The following HECW1 variants were observed in gnomAD, a reference collection of about 807,000 sequenced individuals.
HECW1 encodes the protein HECT, C2 and WW domain containing E3 ubiquitin protein ligase 1.
A neutral mutation model predicts 182.3 loss-of-function variants in HECW1; 61 were observed. The observed-to-expected ratio is 0.33, with a 90% CI of 0.27 to 0.41. The LOEUF (loss-of-function observed/expected upper bound fraction) is 0.41. HECW1 is among the 10% of genes least tolerant of loss of function. The pLI, the probability that HECW1 is intolerant of heterozygous loss-of-function variation, is 1.00. For synonymous variants in HECW1, 859 were observed against 832.6 expected, an observed-to-expected ratio of 1.03 and a Z score of -0.55; for missense variants, 1,739 against 2,108.9, an observed-to-expected ratio of 0.82 and a Z score of 3.44.
At chr7:43,260,545 A>G (rs1388452199) in intron 3 of HECW1, among the ~76,000 whole-genome samples, 1 of 152,242 alleles carries the variant, frequency 6.6e-6, no homozygotes, top group Non-Finnish European at 1.5e-5. Context: ...ATGAAGCAGC[A>G]AATTTGTGTT....
intron 17 of HECW1, among the ~76,000 whole-genome samples, chr7:43,481,630 A>C (rs12702046): frequency 0.018 from 2,745 of 152,332 alleles, 47 homozygotes; most frequent in Middle Eastern, 0.099. Flanking sequence ...ATTTAATATC[A>C]TTTAAATCAT....
rs57627873 is a variant in HECW1 at position 43,429,289 on chromosome 7, CATATATAT to C, written c.802-8674_802-8667del. On this transcript the variant is annotated intron_variant, in intron 8 of 29. Coordinates refer to ENST00000395891, the MANE Select transcript of HECW1 (RefSeq NM_015052.5). ...ATATAAACTTTCCATATATTATATG[CATATATAT>C]ATATATATATATATATATATATATA... 8.5e-3 allele frequency among the ~76,000 whole-genome samples: 906 copies of C among 106,580 alleles called. 5 individuals are homozygous for C. The highest frequency in any genetic ancestry group is 0.02 in the Middle Eastern group (4 of 204). The allele number at this position is 106,580 out of a possible 152,430, so 69.9% of individuals were successfully genotyped here.
chr7:43,249,187 G>A (rs1799773628), intron 3 of HECW1: 1 of 152,344 alleles, frequency 6.6e-6, no homozygotes, highest in Non-Finnish European at 1.5e-5. Flanking sequence ...CGGTACCTGG[G>A]TGTGACTCCG....
chr7:43,244,436 C>G (rs937603753), intron 3 of HECW1, among the ~76,000 whole-genome samples: 2 of 152,192 alleles, frequency 1.3e-5, no homozygotes, highest in Non-Finnish European at 2.9e-5. Context: ...ACCAGCTCCC[C>G]AAGACTTCCT....
chr7:43,488,417 AG>A (rs1585061903), intron 17 of HECW1, among the ~76,000 whole-genome samples: 2 of 127,804 alleles, frequency 1.6e-5, no homozygotes, highest in East Asian at 4.2e-4. Context: ...AGAAAGAGAG[AG>A]AGAGAAAGAA....
intron 28 of HECW1, among the ~76,000 whole-genome samples, chr7:43,554,345 T>C (rs2152960932): frequency 6.6e-6 from 1 of 152,354 alleles, no homozygotes; most frequent in East Asian, 1.9e-4. Flanking sequence ...AGCAGACATC[T>C]CTGAGAACAT....
intron 3 of HECW1, among the ~76,000 whole-genome samples, chr7:43,283,725 G>A (rs1804230711): frequency 1.3e-5 from 2 of 152,086 alleles, no homozygotes; most frequent in African/African-American, 4.8e-5. Context: ...ATTGCAAAAC[G>A]TCCCTCAAAG....
At chr7:43,553,796 T>A (rs567867395) in intron 28 of HECW1, among the ~76,000 whole-genome samples, 2 of 151,834 alleles carry the variant, frequency 1.3e-5, no homozygotes, top group Non-Finnish European at 2.9e-5. Flanking sequence ...GCATATTTCC[T>A]CCTCTTTCTT....
intron 3 of HECW1, among the ~76,000 whole-genome samples, chr7:43,307,731 G>A (rs908822581): frequency 6.6e-6 from 1 of 151,686 alleles, no homozygotes; most frequent in Admixed American, 6.6e-5. Flanking sequence ...TGAGCAATCA[G>A]CTCTATCCAC....
chr7:43,336,132 CTCTCTCTCTCTT>C (rs1562853632), intron 5 of HECW1, among the ~76,000 whole-genome samples: 2,011 of 95,276 alleles, frequency 0.021, 89 homozygotes, highest in East Asian at 0.14. Flanking sequence ...CTTTCTCTCT[CTCTCTCTCTCTT>C]TCTCTCTCTC....
At chr7:43,435,794 C>T (rs868335232) in intron 8 of HECW1, among the ~76,000 whole-genome samples, 1 of 152,188 alleles carries the variant, frequency 6.6e-6, no homozygotes, top group African/African-American at 2.4e-5. Flanking sequence ...CTAGCTCATC[C>T]TGACTGCCAC....
At chr7:43,257,417 C>T (rs886813185) in intron 3 of HECW1, among the ~76,000 whole-genome samples, 2 of 152,118 alleles carry the variant, frequency 1.3e-5, no homozygotes, top group African/African-American at 4.8e-5. Context: ...CTAACGTAGG[C>T]AGTAAAACAG....
At chr7:43,204,327 G>C (rs1795272083) in intron 2 of HECW1, among the ~76,000 whole-genome samples, 2 of 152,206 alleles carry the variant, frequency 1.3e-5, no homozygotes, top group South Asian at 2.1e-4. Flanking sequence ...TCCATGATTA[G>C]TTGGCAGTAG....
At chr7:43,481,793 G>A in intron 17 of HECW1, among the ~76,000 whole-genome samples, 1 of 151,900 alleles carries the variant, frequency 6.6e-6, no homozygotes, top group Non-Finnish European at 1.5e-5. Flanking sequence ...GACCATCCTG[G>A]CTAACATGGT....
At chr7:43,251,646 T>C (rs113512274) in intron 3 of HECW1, among the ~76,000 whole-genome samples, 1,645 of 152,294 alleles carry the variant, frequency 0.011, 27 homozygotes, top group South Asian at 0.035. Context: ...ACTTATTATA[T>C]TCACAGGTCT....
chr7:43,377,320 C>G (rs1166707345), intron 6 of HECW1, among the ~76,000 whole-genome samples: 1 of 152,202 alleles, frequency 6.6e-6, no homozygotes, highest in Admixed American at 6.5e-5. Flanking sequence ...TAACTATGAT[C>G]AACTCATTTC....
rs768928082 is a variant in HECW1 at position 43,456,443 on chromosome 7, A to C, written c.2647A>C (p.Arg883=). The C allele has an allele frequency of 6.2e-7, 1 of 1,613,628 alleles. No individual in the cohort carries two copies. ...CATCCAGCAGATGGAGCAACTCAAC[A>C]GGCGGTTGGTGATCAGTATGCAATG... The part of the protein sequence containing the change: ...GSIQQMEQLN[R]RYQNIQRTIA... Residue 883 remains arginine, a synonymous_variant, in exon 13 of 30, where the codon AGG becomes CGG. Coordinates refer to ENST00000395891, the MANE Select transcript of HECW1 (RefSeq NM_015052.5).
intron 13 of HECW1, among the ~76,000 whole-genome samples, 166 bp downstream of exon 13, chr7:43,456,613 A>G (rs931669738): frequency 2.7e-5 from 4 of 150,002 alleles, no homozygotes; most frequent in Non-Finnish European, 6.0e-5. Flanking sequence ...AGCTAGATTT[A>G]GAATTTGGAG....
At chr7:43,316,301 C>T (rs1336049704) in intron 4 of HECW1, among the ~76,000 whole-genome samples, 2 of 152,074 alleles carry the variant, frequency 1.3e-5, no homozygotes, top group East Asian at 1.9e-4. Context: ...ACAAAATGTA[C>T]GATGACAAAA....
Sources: gnomAD v4.1 joint callset for allele counts (sites outside exome capture counted in the v4.1 genomes callset) on GRCh38, gnomAD v4.1.1 for gene constraint, MANE v1.5 for transcripts, NCBI Gene and HGNC (gene_info 2026-07-23, HGNC 2026-07-21) for gene names.